Variants in GARRE1 observed in about 807,000 individuals in gnomAD.
The protein encoded by GARRE1 is granule associated Rac and RHOG effector 1.
GARRE1 carries 49 observed loss-of-function variants against 103.2 expected under a neutral mutation model. That is an observed-to-expected ratio of 0.47 (90% confidence interval 0.38 to 0.60). The LOEUF is 0.60. GARRE1 is among the 20% of genes least tolerant of loss of function. The pLI, the probability that GARRE1 is intolerant of heterozygous loss-of-function variation, is 0.00. For missense variants in GARRE1, 1,199 were observed against 1,370.5 expected (o/e 0.87, Z 1.98); for synonymous variants, 505 against 532.8 (o/e 0.95, Z 0.72).
chr19:34,258,805 A>G (rs372420896), intron 1 of GARRE1, among the ~76,000 whole-genome samples: 53 of 152,054 alleles, frequency 3.5e-4, no homozygotes, highest in African/African-American at 1.2e-3. Context: ...AAAAAAGAAA[A>G]GAAAATATCA....
At chr19:34,349,233 G>A in intron 12 of GARRE1, 80 bp downstream of exon 12, 1 of 1,444,144 alleles carries the variant, frequency 6.9e-7, no homozygotes, top group Non-Finnish European at 9.6e-7. Context: ...GGGAAAGCCA[G>A]GAGCCCAGTC....
At chr19:34,349,457 C>G (rs1355224976) in intron 12 of GARRE1, among the ~76,000 whole-genome samples, 2 of 152,244 alleles carry the variant, frequency 1.3e-5, no homozygotes, top group Non-Finnish European at 2.9e-5. Flanking sequence ...GAGTTCTAAT[C>G]TGGACTCACC....
At chr19:34,340,637 C>T (rs949966993) in intron 9 of GARRE1, among the ~76,000 whole-genome samples, 2 of 152,080 alleles carry the variant, frequency 1.3e-5, no homozygotes, top group Non-Finnish European at 2.9e-5. Context: ...CTCAAGTCAT[C>T]CTCCTACCTC....
At chr19:34,347,766 G>A in intron 10 of GARRE1, 111 bp from the exon 11 acceptor site, 1 of 1,064,258 alleles carries the variant, frequency 9.4e-7, no homozygotes, top group Non-Finnish European at 1.3e-6. Flanking sequence ...AAGCCTGGCA[G>A]CTCCTCACTG....
chr19:34,353,934 A>C lies in GARRE1; in HGVS notation c.*979A>C, dbSNP rs1301243609. On this transcript the variant is annotated 3_prime_UTR_variant, in exon 14 of 14. Coordinates refer to ENST00000299505, the MANE Select transcript of GARRE1 (RefSeq NM_014686.5). Reference sequence around the variant, plus strand: ...TTTAAGGTCTTTTCTTAAAAAAAAAATCCACCTCATTTTCAGTTAACATGT... The same window carrying C: ...TTTAAGGTCTTTTCTTAAAAAAAAACTCCACCTCATTTTCAGTTAACATGT... The C allele has an allele frequency of 3.3e-5, 5 of 152,570 alleles. No individual in the cohort carries two copies. Among genetic ancestry groups the C allele is most frequent in the Admixed American group, 1.3e-4 (2 of 15,262 alleles). 9.5% of individuals were successfully genotyped at this position (152,570 alleles called of 1,614,324 possible). A position where few individuals can be genotyped will look rare whatever the true frequency, so the allele number is the denominator to read the frequency against.
chr19:34,303,546 C>T (rs2073991383), intron 2 of GARRE1, among the ~76,000 whole-genome samples: 1 of 152,194 alleles, frequency 6.6e-6, no homozygotes, highest in African/African-American at 2.4e-5. Flanking sequence ...GTTTATCAAG[C>T]TTTTTCTATG....
At chr19:34,340,816 C>T (rs2074182274) in intron 9 of GARRE1, among the ~76,000 whole-genome samples, 1 of 152,206 alleles carries the variant, frequency 6.6e-6, no homozygotes, top group Non-Finnish European at 1.5e-5. Context: ...CCATGCCCAA[C>T]CTTTTCTCCC....
chr19:34,342,491 C>A, intron 10 of GARRE1, 36 bp downstream of exon 10: 1 of 1,560,284 alleles, frequency 6.4e-7, no homozygotes, highest in Non-Finnish European at 8.7e-7. Context: ...CCAGTGTCAA[C>A]AGCAAATGCA....
intron 1 of GARRE1, among the ~76,000 whole-genome samples, chr19:34,275,009 C>G (rs536484988): frequency 9.5e-4 from 144 of 152,230 alleles, no homozygotes; most frequent in African/African-American, 3.4e-3. Context: ...TTGAGTCAGT[C>G]TGAACTGACT....
intron 1 of GARRE1, among the ~76,000 whole-genome samples, chr19:34,289,201 G>T (rs2073903725): frequency 6.6e-6 from 1 of 152,094 alleles, no homozygotes; most frequent in Admixed American, 6.6e-5. Context: ...TTGGGAGGCT[G>T]AGGCAGGAAT....
Position 34,352,961 on chromosome 19 carries a change from G to C in GARRE1, c.*6G>C. Reference sequence around the variant, plus strand: ...CCTATCTGCCCCAGTACTGACCCCAGGCCAGCCAGCCTGCCTGCCTGCCTG... The same window carrying C: ...CCTATCTGCCCCAGTACTGACCCCACGCCAGCCAGCCTGCCTGCCTGCCTG... On this transcript the variant is annotated 3_prime_UTR_variant, in exon 14 of 14. Transcript: ENST00000299505. 1 of 1,468,994 alleles carries C rather than the reference G, an allele frequency of 6.8e-7. No individual in the cohort carries two copies. Among genetic ancestry groups the C allele is most frequent in the South Asian group, 1.3e-5 (1 of 77,896 alleles). 91.0% of individuals were successfully genotyped at this position (1,468,994 alleles called of 1,614,324 possible).
chr19:34,306,495 G>A (rs1263040893), intron 2 of GARRE1, among the ~76,000 whole-genome samples: 8 of 152,152 alleles, frequency 5.3e-5, no homozygotes, highest in Non-Finnish European at 1.2e-4. Context: ...CTGCCACCCT[G>A]CCTTGGAACC....
chr19:34,297,145 A>G (rs1206128430), intron 1 of GARRE1, among the ~76,000 whole-genome samples: 1 of 152,108 alleles, frequency 6.6e-6, no homozygotes, highest in East Asian at 1.9e-4. Flanking sequence ...AAAATTAGCC[A>G]GGCACTGTGA....
At chr19:34,318,449 G>C (rs576981204) in intron 2 of GARRE1, among the ~76,000 whole-genome samples, 16 of 152,384 alleles carry the variant, frequency 1.0e-4, no homozygotes, top group African/African-American at 3.6e-4. Flanking sequence ...GAGGCAGTGG[G>C]CTGAGGGCCG....
chr19:34,275,182 C>T (rs868759412), intron 1 of GARRE1, among the ~76,000 whole-genome samples: 456 of 114,106 alleles, frequency 4.0e-3, no homozygotes, highest in Middle Eastern at 0.021. Context: ...TTTTTTTTTT[C>T]CTCAGAAGAG....
intron 1 of GARRE1, among the ~76,000 whole-genome samples, chr19:34,295,227 G>C (rs544935770): frequency 5.3e-5 from 8 of 152,266 alleles, no homozygotes; most frequent in Admixed American, 2.0e-4. Flanking sequence ...AGTTTTCAAG[G>C]CTATTATGGA....
chr19:34,261,840 C>G (rs2073720430), intron 1 of GARRE1, among the ~76,000 whole-genome samples: 1 of 152,318 alleles, frequency 6.6e-6, no homozygotes, highest in South Asian at 2.1e-4. Flanking sequence ...AGGTCCTGTG[C>G]TGAGTCCTTC....
chr19:34,276,425 G>A (rs986942372), intron 1 of GARRE1, among the ~76,000 whole-genome samples: 3 of 152,164 alleles, frequency 2.0e-5, no homozygotes, highest in Admixed American at 2.0e-4. Context: ...TAACACATTT[G>A]ATTGTAGAAA....
intron 1 of GARRE1, among the ~76,000 whole-genome samples, chr19:34,295,371 GGT>G (rs1466875023): frequency 6.6e-6 from 1 of 152,112 alleles, no homozygotes; most frequent in Non-Finnish European, 1.5e-5. Flanking sequence ...TTCTGAAAAA[GGT>G]GATTCTATTA....
Sources: gnomAD v4.1 joint callset for allele counts (sites outside exome capture counted in the v4.1 genomes callset) on GRCh38, gnomAD v4.1.1 for gene constraint, MANE v1.5 for transcripts, NCBI Gene and HGNC (gene_info 2026-07-23, HGNC 2026-07-21) for gene names.